The following ZNF37A variants were observed in gnomAD, a reference collection of about 807,000 sequenced individuals.
ZNF37A encodes zinc finger protein 37a (KOX 21).
ZNF37A carries 10 observed loss-of-function variants against 12.3 expected under a neutral mutation model. The observed-to-expected ratio is 0.82, with a 90% CI of 0.50 to 1.38. ZNF37A has a LOEUF of 1.38. Ranked by LOEUF, ZNF37A falls within the 40% of genes most tolerant of loss-of-function variation. The pLI is 0.00. For synonymous variants in ZNF37A, 207 were observed against 223.0 expected (o/e 0.93, Z 0.64); for missense variants, 580 against 651.2 (o/e 0.89, Z 1.19).
At chr10:38,112,786 T>TCGG (rs1564932477) in intron 5 of ZNF37A, among the ~76,000 whole-genome samples, 2,795 of 58,088 alleles carry the variant, frequency 0.048, 358 homozygotes, top group African/African-American at 0.067. Flanking sequence ...TTTTCTTTTC[T>TCGG]TTTCTTTTCT....
intron 5 of ZNF37A, among the ~76,000 whole-genome samples, chr10:38,113,225 T>TC (rs2068966453): frequency 7.0e-6 from 1 of 142,066 alleles, no homozygotes; most frequent in South Asian, 2.3e-4. Context: ...TTTTTTTTTT[T>TC]TTTTTGAGAT....
At position 38,123,702 on chromosome 10, in the gene ZNF37A, A is replaced by G. The variant is rs1430035073; in HGVS notation, c.*4865A>G. ...AATCTGAATAGACGTTTCTCAAAAG[A>G]AGACATACAAATGGCAAACAGGCAT... On this transcript the variant is annotated 3_prime_UTR_variant, in exon 8 of 8. Transcript: ENST00000685332. The G allele has an allele frequency of 6.6e-6, 1 of 152,232 alleles. No homozygotes were observed. Among genetic ancestry groups the G allele is most frequent in the Non-Finnish European group, 1.5e-5 (1 of 68,040 alleles). The allele number at this position is 152,232 out of a possible 1,614,324, so 9.4% of individuals were successfully genotyped here. A position where few individuals can be genotyped will look rare whatever the true frequency, so the allele number is the denominator to read the frequency against.
chr10:38,137,799 C>T (rs770475548), intron 7 of ZNF37A: 22 of 152,200 alleles, frequency 1.4e-4, no homozygotes, highest in Admixed American at 2.6e-4. Flanking sequence ...AAATAAACTA[C>T]GGAGGTTTAA....
chr10:38,102,023 G>A (rs1337824137), intron 5 of ZNF37A, among the ~76,000 whole-genome samples: 8 of 151,744 alleles, frequency 5.3e-5, no homozygotes, highest in Admixed American at 6.6e-5. Flanking sequence ...TTTTAGTAGA[G>A]ACGGGGTTTC....
At chr10:38,112,781 T>TCGG (rs1564932393) in intron 5 of ZNF37A, among the ~76,000 whole-genome samples, 2,855 of 55,222 alleles carry the variant, frequency 0.052, 349 homozygotes, top group African/African-American at 0.076. Context: ...TTTTCTTTTC[T>TCGG]TTTCTTTTCT....
chr10:38,106,806 A>C (rs2068136133), intron 5 of ZNF37A, among the ~76,000 whole-genome samples: 1 of 152,112 alleles, frequency 6.6e-6, no homozygotes, highest in African/African-American at 2.4e-5. Flanking sequence ...AGATTAGAGA[A>C]AAAAGAATGA....
Position 38,112,147 on chromosome 10 carries a change from TA to T in ZNF37A, c.16-2599del, listed in dbSNP as rs35812511. On this transcript the variant is annotated intron_variant, in intron 5 of 7. Transcript: ENST00000685332. ...CAACAACCACCAAAAAAAAAAAAAC[TA>T]AAAAAAAACCCAACAAAACCCCTTT... Among the ~76,000 whole-genome samples the T allele has an allele frequency of 3.4e-5, 5 of 146,532 alleles. No homozygotes were observed. In the East Asian group the frequency reaches 6.0e-4, roughly 17 times the overall value.
intron 7 of ZNF37A, among the ~76,000 whole-genome samples, chr10:38,130,950 T>G (rs1181995949): frequency 6.6e-6 from 1 of 152,232 alleles, no homozygotes; most frequent in Non-Finnish European, 1.5e-5. Context: ...CTCTAATGAC[T>G]ACTGATGTTA....
At chr10:38,114,699 T>G in intron 5 of ZNF37A, 56 bp from the exon 6 acceptor site, 1 of 1,612,892 alleles carries the variant, frequency 6.2e-7, no homozygotes, top group Admixed American at 1.7e-5. Context: ...TAAACATCTT[T>G]TTTCACGTCA....
downstream of ZNF37A, among the ~76,000 whole-genome samples, chr10:38,129,508 A>T (rs929823942): frequency 6.6e-6 from 1 of 151,938 alleles, no homozygotes; most frequent in Non-Finnish European, 1.5e-5. Context: ...TTCACTTATA[A>T]GTGAGAACAT....
chr10:38,116,588 G>A (rs2069288351), intron 7 of ZNF37A, among the ~76,000 whole-genome samples: 1 of 152,010 alleles, frequency 6.6e-6, no homozygotes. Flanking sequence ...GTTCTAATCT[G>A]AATCTAAATG....
exon 8 of ZNF37A, chr10:38,149,495 C>A (rs1343587072): frequency 6.6e-6 from 1 of 151,912 alleles, no homozygotes; most frequent in Non-Finnish European, 1.5e-5. Context: ...TTGTAGCCCA[C>A]CCCTCAGCAG....
Position 38,118,477 on chromosome 10 carries a change from T to G in ZNF37A, c.1326T>G (p.Ile442Met). 6.2e-7 allele frequency: 1 copy of G among 1,614,018 alleles called. No homozygotes were observed. Among genetic ancestry groups the G allele is most frequent in the Non-Finnish European group, 8.5e-7 (1 of 1,179,988 alleles). Residue 442 changes from isoleucine to methionine, a missense_variant, in exon 8 of 8, where the codon ATT becomes ATG. Transcript: ENST00000685332. ...CAGGTGAGAAACCTTATGAATGTAT[T>G]CAGTGTGGAAAATTTTTCTGCTACT... ...THTGEKPYEC[I>M]QCGKFFCYYS...
Position 38,112,738 on chromosome 10 carries a change from T to TGTTGG in ZNF37A, c.16-2017_16-2016insGTTGG. Among the ~76,000 whole-genome samples, 12 of 58,910 alleles carry TGTTGG rather than the reference T, an allele frequency of 2.0e-4. 1 individual carries two copies. The highest frequency in any genetic ancestry group is 7.5e-4 in the African/African-American group (12 of 15,912). The allele number at this position is 58,910 out of a possible 152,430, so 38.6% of individuals were successfully genotyped here. Reference sequence around the variant, plus strand: ...TTCTGTATTTTACATCCATTTTCTTTTCTTTTCTTTTCTTTTCTTTTCTTT... The same window carrying TGTTGG: ...TTCTGTATTTTACATCCATTTTCTTTGTTGGTCTTTTCTTTTCTTTTCTTTTCTTT... On this transcript the variant is annotated intron_variant, in intron 5 of 7. Transcript: ENST00000685332.
rs1292366707 is a variant in ZNF37A, at chr10:38,117,785, G to C, written c.634G>C (p.Glu212Gln). Residue 212 changes from glutamate (E) to glutamine (Q), a missense_variant, in exon 8 of 8, where the codon GAA becomes CAA. Transcript: ENST00000685332. ...TGAATGTGGAGAAAATATCTTTGAG[G>C]AATCCATTCTCCTTGAACATCAGAG... The part of the protein sequence containing the change: ...GNECGENIFE[E>Q]SILLEHQSVY... The C allele has an allele frequency of 1.9e-6, 3 of 1,613,802 alleles. No individual in the cohort carries two copies. Among genetic ancestry groups the C allele is most frequent in the African/African-American group, 2.7e-5 (2 of 74,888 alleles).
rs2069730197 is a variant in ZNF37A at position 38,122,079 on chromosome 10, T to TA, written c.*3243dup. On this transcript the variant is annotated 3_prime_UTR_variant, in exon 8 of 8. Transcript: ENST00000685332. Reference sequence around the variant, plus strand: ...ATGGCACAATTGTCTCTACAAAAAATACAAAAATTAGCCAGGCATGGTGGC... The same window carrying TA: ...ATGGCACAATTGTCTCTACAAAAAATAACAAAAATTAGCCAGGCATGGTGGC... 6.6e-6 allele frequency: 1 copy of TA among 151,954 alleles called. No homozygotes were observed. The highest frequency in any genetic ancestry group is 2.4e-5 in the African/African-American group (1 of 41,412). The allele number at this position is 151,954 out of a possible 1,614,324, so 9.4% of individuals were successfully genotyped here.
chr10:38,114,662 A>G, intron 5 of ZNF37A, 93 bp from the exon 6 acceptor site: 7 of 1,525,906 alleles, frequency 4.6e-6, no homozygotes, highest in Non-Finnish European at 6.3e-6. Context: ...TTAATTTTCA[A>G]CAATAAAAAT....
chr10:38,145,681 G>A (rs551472536), intron 7 of ZNF37A, among the ~76,000 whole-genome samples: 1 of 152,276 alleles, frequency 6.6e-6, no homozygotes, highest in African/African-American at 2.4e-5. Flanking sequence ...TATTGGCTGG[G>A]GGCTCAGTCA....
In ZNF37A at chr10:38,117,923, C is replaced by G; in HGVS notation, c.772C>G (p.Leu258Val). ...AACATTTTTCAGTGAAAAATTAGTC[C>G]TTCATTTACAACAGAGAACACATAC... ...CGTFFSEKLV[L>V]HLQQRTHTGE... Residue 258 changes from leucine to valine, a missense_variant, in exon 8 of 8, where the codon CTT (leucine) becomes GTT (valine). By Grantham distance (32) the Leu-to-Val change is conservative (BLOSUM62 1). Transcript: ENST00000685332. 6.2e-7 allele frequency: 1 copy of G among 1,613,798 alleles called. No individual in the cohort carries two copies. The highest frequency in any genetic ancestry group is 8.5e-7 in the Non-Finnish European group (1 of 1,179,962).
Sources: gnomAD v4.1 joint callset for allele counts (sites outside exome capture counted in the v4.1 genomes callset) on GRCh38, gnomAD v4.1.1 for gene constraint, MANE v1.5 for transcripts, NCBI Gene and HGNC (gene_info 2026-07-23, HGNC 2026-07-21) for gene names.